ARHGEF3: variants seen among roughly 807,000 people sequenced by gnomAD.
ARHGEF3 encodes the protein Rho guanine nucleotide exchange factor 3, also known as 59.8 kDA protein.
In ARHGEF3, 28 loss-of-function variants were observed where a neutral mutation model predicts 63.2. The ratio of observed to expected loss-of-function variants is 0.44; its 90% CI spans 0.33 to 0.61. The LOEUF (loss-of-function observed/expected upper bound fraction) is 0.61, where lower values mean the gene tolerates loss of function less well. ARHGEF3 is among the 20% of genes least tolerant of loss of function. ARHGEF3 has a pLI of 0.03. For synonymous variants in ARHGEF3, 266 were observed against 254.2 expected, an observed-to-expected ratio of 1.05 and a Z score of -0.44; for missense variants, 533 against 659.3, an observed-to-expected ratio of 0.81 and a Z score of 2.10.
chr3:56,821,929 C>T (rs2108040638), intron 4 of ARHGEF3, among the ~76,000 whole-genome samples: 1 of 150,204 alleles, frequency 6.7e-6, no homozygotes, highest in South Asian at 2.1e-4. Context: ...CACCACTGCA[C>T]TCCAGCCTGG....
intron 2 of ARHGEF3, among the ~76,000 whole-genome samples, chr3:56,982,850 C>T (rs764390330): frequency 9.9e-5 from 15 of 152,000 alleles, no homozygotes; most frequent in Non-Finnish European, 2.1e-4. Flanking sequence ...CTCTTCCCAC[C>T]GAGCAAACAC....
At chr3:56,929,280 C>G (rs1409556933) in intron 3 of ARHGEF3, among the ~76,000 whole-genome samples, 1 of 152,166 alleles carries the variant, frequency 6.6e-6, no homozygotes. Flanking sequence ...GTCATGGCTC[C>G]TGGTTAACTG....
Position 56,907,745 on chromosome 3 carries a change from C to T in ARHGEF3, c.130-25391G>A, listed in dbSNP as rs555919957. On this transcript the variant is annotated intron_variant, in intron 3 of 12. Coordinates refer to the ARHGEF3 transcript ENST00000338458. The stretch of plus-strand genomic sequence containing the variant: ...CATGGATGAAGCTGGAGGCCATTAT[C>T]CTTAGCAAACTAATGCAGGAACAGA... Among the ~76,000 whole-genome samples the T allele has an allele frequency of 3.3e-4, 50 of 152,300 alleles. 1 individual carries two copies. In the South Asian group the frequency reaches 0.01, roughly 32 times the overall value.
chr3:56,756,230 TGG>T (rs1022972132), intron 2 of ARHGEF3, among the ~76,000 whole-genome samples: 2 of 152,228 alleles, frequency 1.3e-5, no homozygotes, highest in African/African-American at 4.8e-5. Context: ...TCACACTTAT[TGG>T]AGACTTTGCC....
chr3:56,802,410 T>TTTTTG (rs1188983994), upstream of ARHGEF3, among the ~76,000 whole-genome samples: 2 of 152,192 alleles, frequency 1.3e-5, no homozygotes, highest in Non-Finnish European at 2.9e-5. Context: ...CTGCACGTTT[T>TTTTTG]TTTTGTTTTG....
chr3:56,785,832 G>T (rs1391883085), intron 1 of ARHGEF3, among the ~76,000 whole-genome samples: 1 of 152,164 alleles, frequency 6.6e-6, no homozygotes, highest in East Asian at 1.9e-4. Context: ...GATCCTAACT[G>T]GTTGCTGGGT....
At chr3:56,735,990 T>C (rs1324187224) in intron 8 of ARHGEF3, among the ~76,000 whole-genome samples, 2 of 151,796 alleles carry the variant, frequency 1.3e-5, no homozygotes, top group Admixed American at 1.3e-4. Flanking sequence ...ATACTGAAGA[T>C]GAAATACAAT....
intron 4 of ARHGEF3, among the ~76,000 whole-genome samples, chr3:56,811,572 G>T (rs779905680): frequency 3.9e-4 from 59 of 152,168 alleles, no homozygotes; most frequent in Non-Finnish European, 6.5e-4. Flanking sequence ...CTTCACAAAG[G>T]GGCTAGTTGG....
At chr3:56,895,326 G>C (rs533276701) in intron 3 of ARHGEF3, among the ~76,000 whole-genome samples, 8 of 152,306 alleles carry the variant, frequency 5.3e-5, no homozygotes, top group Non-Finnish European at 1.0e-4. Flanking sequence ...TGTGCTGAAT[G>C]AGCTCTAGCT....
intron 3 of ARHGEF3, among the ~76,000 whole-genome samples, chr3:56,753,910 G>T (rs1384859672): frequency 6.6e-6 from 1 of 152,156 alleles, no homozygotes. Context: ...TGTTGTGAGA[G>T]GCCATCATAA....
intron 1 of ARHGEF3, among the ~76,000 whole-genome samples, chr3:57,043,077 C>T (rs777210464): frequency 9.9e-5 from 15 of 151,686 alleles, no homozygotes; most frequent in South Asian, 6.2e-4. Context: ...GGATATGGGA[C>T]GGCTGGAAGC....
rs545029206 is a variant in ARHGEF3, at chr3:56,742,040, A to G, written c.870+3165T>C. Among the ~76,000 whole-genome samples the G allele has an allele frequency of 1.3e-4, 20 of 152,362 alleles. No individual in the cohort carries two copies. The South Asian group carries it at 4.1e-3, about 32-fold the overall frequency. On this transcript the variant is annotated intron_variant, in intron 7 of 9. Transcript: ENST00000296315. Reference sequence around the variant, plus strand: ...ACATGTGCTGGACTCATCATCCTCAAAGTGGACTCTGAAAGCCCTGACTGT... The same window carrying G: ...ACATGTGCTGGACTCATCATCCTCAGAGTGGACTCTGAAAGCCCTGACTGT...
At chr3:57,061,713 G>C (rs1705232098) in intron 1 of ARHGEF3, among the ~76,000 whole-genome samples, 1 of 152,130 alleles carries the variant, frequency 6.6e-6, no homozygotes, top group African/African-American at 2.4e-5. Context: ...ACACTTTTAG[G>C]ATTCTGGCAG....
chr3:56,798,472 C>T (rs1482349336), intron 1 of ARHGEF3, among the ~76,000 whole-genome samples: 1 of 151,696 alleles, frequency 6.6e-6, no homozygotes, highest in African/African-American at 2.4e-5. Context: ...AAGCTTCTCA[C>T]AAGGCTCTAG....
chr3:56,729,374 A>T lies in ARHGEF3; in HGVS notation c.1477T>A (p.Ser493Thr), dbSNP rs750070592. The T allele has an allele frequency of 2.3e-5, 37 of 1,613,012 alleles. No individual in the cohort carries two copies. Among genetic ancestry groups the T allele is most frequent in the Non-Finnish European group, 3.1e-5 (36 of 1,179,824 alleles). Residue 493 changes from serine to threonine, a missense_variant, in exon 10 of 10, where the codon TCA becomes ACA. By Grantham distance (58) the Ser-to-Thr change is moderately conservative (BLOSUM62 1). Transcript: ENST00000296315. Reference sequence around the variant, plus strand: ...TCACTCGTGTCCATACTACAGTCTGACTCACTGTCCGATTGGTCCATCTGC... The same window carrying T: ...TCACTCGTGTCCATACTACAGTCTGTCTCACTGTCCGATTGGTCCATCTGC... ...LEQMDQSDSE[S>T]DCSMDTSEVS...
chr3:56,816,117 A>T (rs2038261532), intron 4 of ARHGEF3, among the ~76,000 whole-genome samples: 1 of 152,180 alleles, frequency 6.6e-6, no homozygotes, highest in Non-Finnish European at 1.5e-5. Context: ...TTAGAAGCTG[A>T]GGCAAGAGGA....
intron 1 of ARHGEF3, among the ~76,000 whole-genome samples, chr3:56,784,459 A>G (rs1324081329): frequency 6.6e-6 from 1 of 152,176 alleles, no homozygotes; most frequent in Non-Finnish European, 1.5e-5. Context: ...CAGAGGTAGA[A>G]AAGATCTCCT....
intron 2 of ARHGEF3, among the ~76,000 whole-genome samples, chr3:57,009,153 G>A (rs1702582876): frequency 6.6e-6 from 1 of 152,220 alleles, no homozygotes; most frequent in Non-Finnish European, 1.5e-5. Flanking sequence ...CTCCCATTCT[G>A]AGGTCCGGCT....
intron 4 of ARHGEF3, among the ~76,000 whole-genome samples, chr3:56,824,420 T>C (rs2038637455): frequency 6.6e-6 from 1 of 152,218 alleles, no homozygotes; most frequent in African/African-American, 2.4e-5. Context: ...CTGAGCACTT[T>C]GTAAGTATCA....
Sources: gnomAD v4.1 joint callset for allele counts (sites outside exome capture counted in the v4.1 genomes callset) on GRCh38, gnomAD v4.1.1 for gene constraint, MANE v1.5 for transcripts, NCBI Gene and HGNC (gene_info 2026-07-23, HGNC 2026-07-21) for gene names.